ARHGAP20: variants seen among roughly 807,000 people sequenced by gnomAD.
The protein encoded by ARHGAP20 is rho GTPase-activating protein 20.
Under a neutral mutation model 73.7 loss-of-function variants are expected in ARHGAP20, and 34 were observed. The ratio of observed to expected loss-of-function variants is 0.46; its 90% CI spans 0.35 to 0.61. The LOEUF (loss-of-function observed/expected upper bound fraction) is 0.61. Ranked by LOEUF, ARHGAP20 falls within the 20% of genes least tolerant of loss-of-function variation. ARHGAP20 has a pLI of 0.00. For missense variants in ARHGAP20, 1,314 were observed against 1,420.9 expected (o/e 0.92, Z 1.21); for synonymous variants, 523 against 518.2 (o/e 1.01, Z -0.13).
intron 1 of ARHGAP20, among the ~76,000 whole-genome samples, chr11:110,699,759 C>T (rs1372189160): frequency 2.0e-5 from 3 of 151,874 alleles, no homozygotes; most frequent in Non-Finnish European, 4.4e-5. Flanking sequence ...TTTTCTTACC[C>T]ACTTACTTCC....
chr11:110,606,502 CT>C, intron 9 of ARHGAP20, 58 bp downstream of exon 9: 1 of 1,540,802 alleles, frequency 6.5e-7, no homozygotes. Flanking sequence ...AGGTTTGAGT[CT>C]TTGCCTTTGT....
At chr11:110,682,537 T>G (rs1591173484) in intron 2 of ARHGAP20, among the ~76,000 whole-genome samples, 1 of 152,180 alleles carries the variant, frequency 6.6e-6, no homozygotes, top group Non-Finnish European at 1.5e-5. Flanking sequence ...GTCCTGTCTC[T>G]GACATTAATC....
At chr11:110,619,405 GAT>G (rs1948570657) in intron 4 of ARHGAP20, among the ~76,000 whole-genome samples, 1 of 151,558 alleles carries the variant, frequency 6.6e-6, no homozygotes, top group Non-Finnish European at 1.5e-5. Flanking sequence ...TATATGCAGT[GAT>G]AGAGTATATG....
intron 2 of ARHGAP20, among the ~76,000 whole-genome samples, chr11:110,663,559 T>G (rs998965598): frequency 2.0e-5 from 3 of 151,980 alleles, no homozygotes; most frequent in African/African-American, 7.2e-5. Context: ...AGAAACAACC[T>G]GAATAGTATT....
intron 9 of ARHGAP20, among the ~76,000 whole-genome samples, chr11:110,605,130 G>A (rs1948194194): frequency 1.3e-5 from 2 of 152,112 alleles, no homozygotes; most frequent in Non-Finnish European, 2.9e-5. Context: ...TGCTAGACAG[G>A]GATGATCACG....
chr11:110,712,093 G>C, intron 1 of ARHGAP20, 34 bp downstream of exon 1: 1 of 1,271,382 alleles, frequency 7.9e-7, no homozygotes, highest in Non-Finnish European at 1.0e-6. Context: ...GGCTGCGGCG[G>C]CGGAGGGCAC....
chr11:110,624,199 A>G lies in ARHGAP20; in HGVS notation c.466T>C (p.Leu156=). 6.2e-7 allele frequency: 1 copy of G among 1,613,128 alleles called. No homozygotes were observed. Among genetic ancestry groups the G allele is most frequent in the Non-Finnish European group, 8.5e-7 (1 of 1,179,776 alleles). Residue 156 remains leucine (L), a synonymous_variant, in exon 4 of 15, where the codon TTG becomes CTG. Transcript: ENST00000683387. Reference sequence around the variant, plus strand: ...ACAAAGTTCACTGTGGGCCAGCCCAAAACAAAGGATTTCATGGCATTGGTG... The same window carrying G: ...ACAAAGTTCACTGTGGGCCAGCCCAGAACAAAGGATTTCATGGCATTGGTG... ...GNTNAMKSFV[L]GWPTVNFVAT... is the part of the protein sequence containing the mutation.
chr11:110,579,759 T>C lies in ARHGAP20; in HGVS notation c.3187A>G (p.Lys1063Glu). Reference protein sequence around the residue: ...KAKAARPEEEKIASPKGPLEP... With the variant: ...KAKAARPEEEEIASPKGPLEP... ...AAGGGTCCTTTTGGAGAAGCTATTT[T>C]CTCTTCCTCTGGTCTGGCTGCCTTT... Residue 1063 changes from lysine to glutamate, a missense_variant, in exon 15 of 15, where the codon AAA becomes GAA. Physicochemically the swap from Lys to Glu is moderately conservative, Grantham distance 56. Around this residue, in one of 3 missense-constraint regions of ARHGAP20, gnomAD observed 641 missense variants for 636.9 expected, o/e 1.01. Coordinates refer to ENST00000683387, the MANE Select transcript of ARHGAP20 (RefSeq NM_001384657.1). 1 of 1,613,904 alleles carries C rather than the reference T, an allele frequency of 6.2e-7. No individual in the cohort carries two copies. The highest frequency in any genetic ancestry group is 1.1e-5 in the South Asian group (1 of 91,070).
chr11:110,582,209 A>C lies in ARHGAP20; in HGVS notation c.1720+112T>G. On this transcript the variant is annotated intron_variant, in intron 14 of 14. Coordinates refer to ENST00000683387, the MANE Select transcript of ARHGAP20 (RefSeq NM_001384657.1). ...CCTGGGCCCCATTGACCTGGATCAG[A>C]GGCTCCTTTCACTTCAGCTGCTGTG... is the stretch of plus-strand genomic sequence containing the variant. The C allele has an allele frequency of 4.6e-6, 4 of 866,526 alleles. No homozygotes were observed. The Admixed American group carries it at 7.8e-5, about 17-fold the overall frequency. The allele number at this position is 866,526 out of a possible 1,614,324, so 53.7% of individuals were successfully genotyped here.
At chr11:110,680,721 T>A (rs1349559022) in intron 2 of ARHGAP20, among the ~76,000 whole-genome samples, 2 of 152,164 alleles carry the variant, frequency 1.3e-5, no homozygotes, top group African/African-American at 4.8e-5. Flanking sequence ...AGAGACTAAA[T>A]TTAATCTCCT....
intron 1 of ARHGAP20, among the ~76,000 whole-genome samples, chr11:110,704,878 T>C (rs1950525660): frequency 6.6e-6 from 1 of 152,124 alleles, no homozygotes; most frequent in Admixed American, 6.6e-5. Flanking sequence ...TTATACCAAA[T>C]GCTCTGAAGA....
intron 2 of ARHGAP20, among the ~76,000 whole-genome samples, chr11:110,645,412 G>A (rs1949169743): frequency 6.6e-6 from 1 of 152,178 alleles, no homozygotes; most frequent in East Asian, 1.9e-4. Flanking sequence ...CAAAACCACA[G>A]TGAGATACTA....
chr11:110,687,295 A>T (rs2135109310), intron 2 of ARHGAP20, among the ~76,000 whole-genome samples: 1 of 151,242 alleles, frequency 6.6e-6, no homozygotes, highest in Non-Finnish European at 1.5e-5. Flanking sequence ...TGCTCCTCCC[A>T]CCCTGGCATA....
At chr11:110,634,350 A>C (rs1948919180) in intron 2 of ARHGAP20, among the ~76,000 whole-genome samples, 1 of 152,164 alleles carries the variant, frequency 6.6e-6, no homozygotes, top group African/African-American at 2.4e-5. Flanking sequence ...GTGAGGAAGG[A>C]CAGGTAAGCG....
chr11:110,678,432 A>G (rs921878147), intron 2 of ARHGAP20, among the ~76,000 whole-genome samples: 1 of 152,174 alleles, frequency 6.6e-6, no homozygotes, highest in Admixed American at 6.5e-5. Context: ...CCCTTTTTCA[A>G]CAAATTACAT....
At chr11:110,592,734 G>A (rs117107644) in intron 9 of ARHGAP20, among the ~76,000 whole-genome samples, 288 of 152,246 alleles carry the variant, frequency 1.9e-3, no homozygotes, top group Non-Finnish European at 2.9e-3. Flanking sequence ...TAAGATGTTC[G>A]TTAGAAATAA....
At chr11:110,665,870 A>T (rs775859867) in intron 2 of ARHGAP20, among the ~76,000 whole-genome samples, 1 of 152,198 alleles carries the variant, frequency 6.6e-6, no homozygotes, top group Non-Finnish European at 1.5e-5. Flanking sequence ...TAATGAATAT[A>T]AGGCAAAGAT....
chr11:110,710,289 C>T (rs1201142773), intron 1 of ARHGAP20, among the ~76,000 whole-genome samples: 1 of 152,136 alleles, frequency 6.6e-6, no homozygotes, highest in Non-Finnish European at 1.5e-5. Context: ...CAAACGACAG[C>T]ATCTTAAGGA....
At chr11:110,688,956 A>G (rs1292896561) in intron 2 of ARHGAP20, among the ~76,000 whole-genome samples, 2 of 151,614 alleles carry the variant, frequency 1.3e-5, no homozygotes, top group African/African-American at 4.8e-5. Flanking sequence ...ATTTGGATAT[A>G]TAACTTATTT....
Sources: gnomAD v4.1 joint callset for allele counts (sites outside exome capture counted in the v4.1 genomes callset) on GRCh38, gnomAD v4.1.1 for gene constraint, gnomAD v4.1.1 regional missense constraint, MANE v1.5 for transcripts, NCBI Gene and HGNC (gene_info 2026-07-23, HGNC 2026-07-21) for gene names.